PRIMA1: variants seen among roughly 807,000 people sequenced by gnomAD.
PRIMA1 encodes proline rich membrane anchor 1.
Under a neutral mutation model 17.5 loss-of-function variants are expected in PRIMA1, and 7 were observed. The observed-to-expected ratio is 0.40, with a 90% CI of 0.23 to 0.75. The LOEUF is 0.75. Ranked by LOEUF, PRIMA1 falls within the 30% of genes least tolerant of loss-of-function variation. The pLI is 0.37. For missense variants in PRIMA1, 200 were observed against 201.8 expected, an observed-to-expected ratio of 0.99 and a Z score of 0.05; for synonymous variants, 97 against 77.9, an observed-to-expected ratio of 1.25 and a Z score of -1.29.
At chr14:93,760,148 C>T (rs557768815) in intron 3 of PRIMA1, among the ~76,000 whole-genome samples, 4 of 152,362 alleles carry the variant, frequency 2.6e-5, no homozygotes, top group African/African-American at 4.8e-5. Flanking sequence ...AACAAGGCAA[C>T]GTCTTGGCAC....
At chr14:93,727,101 G>T (rs930213550) in intron 4 of PRIMA1, among the ~76,000 whole-genome samples, 3 of 152,168 alleles carry the variant, frequency 2.0e-5, no homozygotes, top group African/African-American at 4.8e-5. Context: ...GCCCAGGGGG[G>T]TGGGAGACAG....
intron 3 of PRIMA1, among the ~76,000 whole-genome samples, chr14:93,768,995 GTGATTACAGGTGTGCACCAACACAA>G (rs1334938725): frequency 5.8e-4 from 2 of 3,426 alleles, no homozygotes; most frequent in African/African-American, 1.2e-3. Context: ...TAAAAGGCCA[GTGATTACAGGTGTGCACCAACACAA>G]CTGGCTAAAG....
At chr14:93,762,428 C>T (rs1038947302) in intron 3 of PRIMA1, among the ~76,000 whole-genome samples, 4 of 151,956 alleles carry the variant, frequency 2.6e-5, no homozygotes, top group Non-Finnish European at 4.4e-5. Flanking sequence ...ACCCCCCAAT[C>T]CCAGGCCCAC....
intron 4 of PRIMA1, among the ~76,000 whole-genome samples, chr14:93,722,350 GAT>G (rs1331489625): frequency 1.4e-3 from 18 of 12,834 alleles, no homozygotes; most frequent in East Asian, 2.1e-3. Flanking sequence ...GTAATGGGGT[GAT>G]GGTGGTAGTG....
chr14:93,786,310 TC>T (rs1885522167), intron 2 of PRIMA1, among the ~76,000 whole-genome samples: 1 of 152,100 alleles, frequency 6.6e-6, no homozygotes, highest in Non-Finnish European at 1.5e-5. Flanking sequence ...AGCTGTCAAT[TC>T]CAAAAGGAAA....
chr14:93,763,924 T>C (rs1595215382), intron 3 of PRIMA1, among the ~76,000 whole-genome samples: 2 of 152,100 alleles, frequency 1.3e-5, no homozygotes, highest in African/African-American at 4.8e-5. Context: ...ATGCCTCCTC[T>C]GCTGTCTCAT....
rs760954648 is a variant in PRIMA1, at chr14:93,726,793, T to TACACAC, written c.360-5253_360-5248dup. 4.7e-3 allele frequency among the ~76,000 whole-genome samples: 721 copies of TACACAC among 151,940 alleles called. 2 individuals carry two copies. The highest frequency in any genetic ancestry group is 0.01 in the Middle Eastern group (3 of 294). On this transcript the variant is annotated intron_variant, in intron 4 of 4. Transcript: ENST00000393140. This position sits in a 1 kb window ranked among gnomAD's most constrained non-coding sequence, Gnocchi z 4.2. ...TCCACACACACAAACAATATACACA[T>TACACAC]ACACACATGTACTTCAACACACACA...
At chr14:93,775,735 T>C (rs1395216967) in intron 3 of PRIMA1, among the ~76,000 whole-genome samples, 1 of 152,266 alleles carries the variant, frequency 6.6e-6, no homozygotes. Flanking sequence ...CTAATCCACC[T>C]TCCATGCCGG....
intron 3 of PRIMA1, among the ~76,000 whole-genome samples, chr14:93,745,076 C>T (rs765754450): frequency 6.6e-6 from 1 of 152,154 alleles, no homozygotes; most frequent in Non-Finnish European, 1.5e-5. Flanking sequence ...TGTTTTGGGG[C>T]AGTCTGTCTC....
intron 2 of PRIMA1, among the ~76,000 whole-genome samples, chr14:93,784,931 A>G (rs1158703927): frequency 6.6e-6 from 1 of 152,178 alleles, no homozygotes; most frequent in African/African-American, 2.4e-5. Flanking sequence ...ATGCTGCCGA[A>G]TGAATCATCA....
chr14:93,742,387 C>T lies in PRIMA1; in HGVS notation c.230-5017G>A, dbSNP rs547440154. Among the ~76,000 whole-genome samples, 162 of 152,304 alleles carry T rather than the reference C, an allele frequency of 1.1e-3. 1 individual carries two copies. The highest frequency in any genetic ancestry group is 6.2e-3 in the South Asian group (30 of 4,816). ...CAGATGAGGTCTCTCCCCAGGGGAA[C>T]TCTGAGAAGAGTAGAAGCAGCCAGT... On this transcript the variant is annotated intron_variant, in intron 3 of 4. Transcript: ENST00000393140.
rs944696847 is a variant in PRIMA1 at position 93,787,710 on chromosome 14, G to C, written c.9C>G (p.Leu3=). 12 of 1,543,912 alleles carry C rather than the reference G, an allele frequency of 7.8e-6. No individual in the cohort carries two copies. In the Middle Eastern group the frequency reaches 1.1e-3, roughly 136 times the overall value. The change falls in exon 2 of 5, where the codon CTC becomes CTG. Residue 3 remains leucine, a synonymous_variant. Coordinates refer to ENST00000393140, the MANE Select transcript of PRIMA1 (RefSeq NM_178013.4). The part of the protein sequence containing the change: ML[L]RDLVLRRGCC... The stretch of plus-strand genomic sequence containing the variant: ...AGCCACGGCGCAGCACCAAGTCCCG[G>C]AGGAGCATCTCGGCCAGCGGCGCCC...
At chr14:93,747,256 G>A (rs908966773) in intron 3 of PRIMA1, among the ~76,000 whole-genome samples, 3 of 152,186 alleles carry the variant, frequency 2.0e-5, no homozygotes, top group Admixed American at 2.0e-4. Context: ...CCAGGAGGAG[G>A]GGAGGTCAAG....
intron 3 of PRIMA1, among the ~76,000 whole-genome samples, chr14:93,775,130 G>A (rs1231394774): frequency 6.8e-6 from 1 of 146,684 alleles, no homozygotes; most frequent in Admixed American, 6.7e-5. Flanking sequence ...GCAAATGCTC[G>A]CCAGGTGAAT....
chr14:93,737,340 T>A lies in PRIMA1; in HGVS notation c.260A>T (p.Glu87Val). 1 of 1,614,170 alleles carries A rather than the reference T, an allele frequency of 6.2e-7. No homozygotes were observed. Among genetic ancestry groups the A allele is most frequent in the Non-Finnish European group, 8.5e-7 (1 of 1,180,028 alleles). Residue 87 changes from glutamate (E) to valine (V), a missense_variant, in exon 4 of 5, where the codon GAA becomes GTA. Coordinates refer to ENST00000393140, the MANE Select transcript of PRIMA1 (RefSeq NM_178013.4). ...GATCACCAGCCCCGACCACCAGCTT[T>A]CCTCAGTGGGGCAAGAGGTAGAGTT... ...APNSTSCPTEESWWSGLVIII... is the reference protein window; with the variant it reads ...APNSTSCPTEVSWWSGLVIII...
At chr14:93,722,701 ATAG>A (rs1207048416) in intron 4 of PRIMA1, among the ~76,000 whole-genome samples, 7 of 10,842 alleles carry the variant, frequency 6.5e-4, no homozygotes, top group South Asian at 1.8e-3. Flanking sequence ...AATGATGATG[ATAG>A]TGGTGGTTAG....
At chr14:93,776,930 T>C (rs2141191882) in intron 3 of PRIMA1, among the ~76,000 whole-genome samples, 1 of 152,368 alleles carries the variant, frequency 6.6e-6, no homozygotes, top group South Asian at 2.1e-4. Context: ...TTTTAAAAGC[T>C]TGGTTTGCTT....
At chr14:93,750,179 C>T (rs979791034) in intron 3 of PRIMA1, among the ~76,000 whole-genome samples, 2 of 151,808 alleles carry the variant, frequency 1.3e-5, no homozygotes, top group African/African-American at 4.8e-5. Context: ...TACAGTGAGA[C>T]TCCGTCTAAA....
At chr14:93,788,563 A>G (rs1205715735), upstream of PRIMA1, 1 of 152,070 alleles carries the variant, frequency 6.6e-6, no homozygotes, top group Non-Finnish European at 1.5e-5. Flanking sequence ...CTCCGTCCTC[A>G]CCTTGGCGGC....
Sources: allele counts gnomAD v4.1 joint callset (sites outside exome capture counted in the v4.1 genomes callset), GRCh38; gene constraint gnomAD v4.1.1; non-coding constraint Gnocchi (gnomAD v3.1); transcripts MANE v1.5; gene names NCBI Gene and HGNC (gene_info 2026-07-23, HGNC 2026-07-21).